Variants in TFIP11 observed in about 807,000 individuals in gnomAD.
TFIP11 encodes tuftelin-interacting protein 11.
Under a neutral mutation model 96.8 loss-of-function variants are expected in TFIP11, and 86 were observed. That is an observed-to-expected ratio of 0.89 (90% CI 0.75 to 1.06). TFIP11 has a LOEUF of 1.06. Among genes scored for constraint, TFIP11 ranks in the 50% least tolerant of loss-of-function variants. The pLI is 0.00. For synonymous variants in TFIP11, 405 were observed against 395.2 expected (o/e 1.02, Z -0.29); for missense variants, 881 against 1,076.7 (o/e 0.82, Z 2.54).
chr22:26,508,572 T>A (rs1164034442), intron 4 of TFIP11, among the ~76,000 whole-genome samples: 1 of 152,006 alleles, frequency 6.6e-6, no homozygotes, highest in Non-Finnish European at 1.5e-5. Flanking sequence ...AGGCACATTC[T>A]CAGCTGGGTG....
chr22:26,505,651 G>A (rs1292071503), intron 6 of TFIP11, among the ~76,000 whole-genome samples: 1 of 151,690 alleles, frequency 6.6e-6, no homozygotes, highest in Non-Finnish European at 1.5e-5. Context: ...GAAATTGTCT[G>A]TTTTTTAAAT....
At chr22:26,494,408 G>T in intron 13 of TFIP11, 104 bp from the exon 14 acceptor site, 2 of 1,340,420 alleles carry the variant, frequency 1.5e-6, no homozygotes, top group South Asian at 1.2e-5. Flanking sequence ...ACAGGCTAGT[G>T]ACACTACTTT....
At chr22:26,505,502 A>G (rs1184812426) in intron 6 of TFIP11, among the ~76,000 whole-genome samples, 1 of 152,184 alleles carries the variant, frequency 6.6e-6, no homozygotes, top group East Asian at 1.9e-4. Context: ...TGGGACCAAG[A>G]AAAGTTCCTG....
intron 14 of TFIP11, 160 bp downstream of exon 14, chr22:26,493,979 G>T: frequency 1.3e-6 from 1 of 740,916 alleles, no homozygotes; most frequent in Non-Finnish European, 2.2e-6. Flanking sequence ...AGCTGACCAT[G>T]TACCCCAGTC....
chr22:26,495,044 C>A, intron 12 of TFIP11, 105 bp from the exon 13 acceptor site: 2 of 1,478,116 alleles, frequency 1.4e-6, no homozygotes, highest in East Asian at 2.3e-5. Context: ...TTACAGCAAC[C>A]TCCGCCTCCC....
chr22:26,494,861 C>T lies in TFIP11; in HGVS notation c.1928G>A (p.Gly643Glu). The T allele has an allele frequency of 6.2e-7, 1 of 1,614,196 alleles. No individual in the cohort carries two copies. The highest frequency in any genetic ancestry group is 8.5e-7 in the Non-Finnish European group (1 of 1,180,036). The change falls in exon 13 of 15, where the codon GGG (glycine) becomes GAG (glutamate). Residue 643 changes from glycine to glutamate, a missense_variant. Gly to Glu is a moderately conservative substitution (Grantham distance 98). Coordinates refer to ENST00000407690, the MANE Select transcript of TFIP11 (RefSeq NM_012143.4). Reference sequence around the variant, plus strand: ...CACCAGGCTAGAGACAGAGATCATCCCTTCCCAGTCAATCACCCAATAGAA... The same window carrying T: ...CACCAGGCTAGAGACAGAGATCATCTCTTCCCAGTCAATCACCCAATAGAA... ...DAFYWVIDWE[G>E]MISVSSLVGL...
chr22:26,494,679 C>T (rs1248484866), intron 13 of TFIP11, 118 bp downstream of exon 13: 10 of 1,411,210 alleles, frequency 7.1e-6, no homozygotes, highest in South Asian at 1.4e-5. Context: ...CTCATTCCTA[C>T]CCTACCATGT....
At chr22:26,495,657 T>A (rs1196029168) in intron 12 of TFIP11, among the ~76,000 whole-genome samples, 2 of 60,208 alleles carry the variant, frequency 3.3e-5, no homozygotes, top group Non-Finnish European at 8.2e-5. Context: ...TACATGTATA[T>A]GCATGTGTGT....
chr22:26,491,422 G>A lies in TFIP11; in HGVS notation c.*591C>T, dbSNP rs1388948128. ...TTATCCCAGAAGAGTGGGGATTACTGTGACTATCTGAAGTTTTTATACTTG... is the reference window on the plus strand; with the variant it reads ...TTATCCCAGAAGAGTGGGGATTACTATGACTATCTGAAGTTTTTATACTTG... On this transcript the variant is annotated 3_prime_UTR_variant, in exon 15 of 15. Transcript: ENST00000407690. 2 of 1,479,144 alleles carry A rather than the reference G, an allele frequency of 1.4e-6. No individual in the cohort carries two copies. The highest frequency in any genetic ancestry group is 3.5e-5 in the Admixed American group (2 of 57,204). 91.6% of individuals were successfully genotyped at this position (1,479,144 alleles called of 1,614,324 possible).
intron 7 of TFIP11, 29 bp downstream of exon 7, chr22:26,503,637 T>A (rs957665822): frequency 6.2e-7 from 1 of 1,612,242 alleles, no homozygotes; most frequent in Non-Finnish European, 8.5e-7. Context: ...CAGGACACCA[T>A]CCACCCATGT....
Position 26,494,792 on chromosome 22 carries a change from T to C in TFIP11, c.1992+5A>G. On this transcript the variant is annotated splice_donor_5th_base_variant and intron_variant, in intron 13 of 14. Transcript: ENST00000407690. ...CCCCAGAAATCCAAGCAAAACAAAGTGTACCTGAAGCCACTTGGGGAAGAA... is the reference window on the plus strand; with the variant it reads ...CCCCAGAAATCCAAGCAAAACAAAGCGTACCTGAAGCCACTTGGGGAAGAA... 1.2e-5 allele frequency: 20 copies of C among 1,614,114 alleles called. No individual in the cohort carries two copies. Among genetic ancestry groups the C allele is most frequent in the Non-Finnish European group, 1.7e-5 (20 of 1,180,000 alleles).
intron 8 of TFIP11, among the ~76,000 whole-genome samples, chr22:26,500,327 A>G (rs1274636664): frequency 1.3e-5 from 2 of 151,860 alleles, no homozygotes; most frequent in African/African-American, 4.8e-5. Context: ...CCGTCACTAC[A>G]CTTGGCTAAT....
At chr22:26,497,519 T>C (rs1922212578) in intron 10 of TFIP11, among the ~76,000 whole-genome samples, 1 of 152,284 alleles carries the variant, frequency 6.6e-6, no homozygotes, top group East Asian at 1.9e-4. Context: ...GGAGATTCCT[T>C]AGAGAACTAA....
chr22:26,496,166 A>C lies in TFIP11; in HGVS notation c.1756T>G (p.Ser586Ala). The change falls in exon 12 of 15, where the codon TCC becomes GCC. Residue 586 changes from serine to alanine, a missense_variant. Ser to Ala is a moderately conservative substitution (Grantham distance 99). Transcript: ENST00000407690. ...GGCTGGAGGATGAGCTTGGCAGAGG[A>C]GTCGCTGGGGTGCCACTTCTGCAGG... ...SALQKWHPSDSSAKLILQPWK... is the reference protein window; with the variant it reads ...SALQKWHPSDASAKLILQPWK... The C allele has an allele frequency of 6.2e-7, 1 of 1,613,880 alleles. No individual in the cohort carries two copies.
chr22:26,505,457 C>A (rs996460434), intron 6 of TFIP11, among the ~76,000 whole-genome samples: 1 of 152,126 alleles, frequency 6.6e-6, no homozygotes, highest in Non-Finnish European at 1.5e-5. Flanking sequence ...AAAATTAAAA[C>A]CCTTGTGAGT....
Position 26,491,425 on chromosome 22 carries a change from A to C in TFIP11, c.*588T>G. 6.7e-7 allele frequency: 1 copy of C among 1,494,246 alleles called. No individual in the cohort carries two copies. Among genetic ancestry groups the C allele is most frequent in the Admixed American group, 1.7e-5 (1 of 57,366 alleles). The allele number at this position is 1,494,246 out of a possible 1,614,324, so 92.6% of individuals were successfully genotyped here. A position where few individuals can be genotyped will look rare whatever the true frequency, so the allele number is the denominator to read the frequency against. Reference sequence around the variant, plus strand: ...TCCCAGAAGAGTGGGGATTACTGTGACTATCTGAAGTTTTTATACTTGAAT... The same window carrying C: ...TCCCAGAAGAGTGGGGATTACTGTGCCTATCTGAAGTTTTTATACTTGAAT... On this transcript the variant is annotated 3_prime_UTR_variant, in exon 15 of 15. Coordinates refer to ENST00000407690, the MANE Select transcript of TFIP11 (RefSeq NM_012143.4).
chr22:26,494,572 CT>C, intron 13 of TFIP11: 1 of 712,224 alleles, frequency 1.4e-6, no homozygotes. Context: ...CATAGGGTTG[CT>C]GAGAGGAGCT....
intron 4 of TFIP11, among the ~76,000 whole-genome samples, chr22:26,509,638 T>A (rs1923816599): frequency 6.6e-6 from 1 of 152,142 alleles, no homozygotes. Context: ...GGTGGATCAC[T>A]TGAGGTCAGG....
At chr22:26,506,635 A>G in intron 5 of TFIP11, 140 bp downstream of exon 5, 6 of 1,334,142 alleles carry the variant, frequency 4.5e-6, no homozygotes, top group Non-Finnish European at 6.2e-6. Context: ...TACACACTTC[A>G]CAACTCACAG....
Sources: allele counts gnomAD v4.1 joint callset (sites outside exome capture counted in the v4.1 genomes callset), GRCh38; gene constraint gnomAD v4.1.1; transcripts MANE v1.5; gene names NCBI Gene and HGNC (gene_info 2026-07-23, HGNC 2026-07-21).